The following TMEM132D variants were observed in gnomAD, a reference collection of about 807,000 sequenced individuals.
The protein encoded by TMEM132D is transmembrane protein 132D.
TMEM132D carries 21 observed loss-of-function variants against 62.3 expected under a neutral mutation model. That is an observed-to-expected ratio of 0.34 (90% CI 0.24 to 0.49). TMEM132D has a LOEUF of 0.49. Among genes scored for constraint, TMEM132D ranks in the 20% least tolerant of loss-of-function variants. The pLI is 0.99. For synonymous variants in TMEM132D, 621 were observed against 575.6 expected (o/e 1.08, Z -1.13); for missense variants, 1,346 against 1,402.8 (o/e 0.96, Z 0.65).
intron 1 of TMEM132D, among the ~76,000 whole-genome samples, chr12:129,730,914 G>A (rs1869212859): frequency 6.6e-6 from 1 of 151,992 alleles, no homozygotes. Flanking sequence ...CTACTTTTGA[G>A]GTTTTGGGAC....
chr12:129,752,151 T>C (rs1870017915), intron 1 of TMEM132D, among the ~76,000 whole-genome samples: 1 of 152,168 alleles, frequency 6.6e-6, no homozygotes, highest in Admixed American at 6.5e-5. Context: ...TCTATATAAC[T>C]TCAATATTTA....
At chr12:129,469,468 G>A (rs1874029314) in intron 3 of TMEM132D, among the ~76,000 whole-genome samples, 1 of 152,204 alleles carries the variant, frequency 6.6e-6, no homozygotes, top group African/African-American at 2.4e-5. Flanking sequence ...ACCTTCAGGT[G>A]ATATGGATGA....
intron 3 of TMEM132D, among the ~76,000 whole-genome samples, chr12:129,352,502 A>G (rs1869900799): frequency 6.6e-6 from 1 of 150,614 alleles, no homozygotes; most frequent in African/African-American, 2.4e-5. Context: ...AGTTTTTGCA[A>G]TCTATGTATC....
chr12:129,459,703 G>A (rs1268886573), intron 3 of TMEM132D, among the ~76,000 whole-genome samples: 1 of 152,106 alleles, frequency 6.6e-6, no homozygotes, highest in Non-Finnish European at 1.5e-5. Context: ...TGGGTTATTC[G>A]TAAAACATTT....
At chr12:129,771,272 C>A (rs1359769398) in intron 1 of TMEM132D, among the ~76,000 whole-genome samples, 1 of 152,188 alleles carries the variant, frequency 6.6e-6, no homozygotes, top group Non-Finnish European at 1.5e-5. Flanking sequence ...TACCGCATAC[C>A]AACTGTGCAG....
chr12:129,568,953 T>C (rs1408697740), intron 2 of TMEM132D, among the ~76,000 whole-genome samples: 1 of 152,146 alleles, frequency 6.6e-6, no homozygotes, highest in Non-Finnish European at 1.5e-5. Context: ...AGGGATTAAA[T>C]CACAGAAGGT....
intron 3 of TMEM132D, among the ~76,000 whole-genome samples, chr12:129,385,471 CAT>C (rs1871084679): frequency 6.6e-6 from 1 of 152,132 alleles, no homozygotes; most frequent in South Asian, 2.1e-4. Flanking sequence ...AAGACTTTTA[CAT>C]CTTGGTTATT....
chr12:129,300,667 G>A lies in TMEM132D; in HGVS notation c.1299+36967C>T, dbSNP rs543081236. ...AATGCTGAATATTTATTAACAAAGA[G>A]ATACTGGCATTTTGACATTTCTAAA... On this transcript the variant is annotated intron_variant, in intron 4 of 8. Coordinates refer to ENST00000422113, the MANE Select transcript of TMEM132D (RefSeq NM_133448.3). Among the ~76,000 whole-genome samples the A allele has an allele frequency of 5.9e-5, 9 of 152,240 alleles. 1 individual carries two copies. Among genetic ancestry groups the A allele is most frequent in the Non-Finnish European group, 1.0e-4 (7 of 68,010 alleles).
At chr12:129,350,624 C>T (rs1869833558) in intron 3 of TMEM132D, among the ~76,000 whole-genome samples, 1 of 152,176 alleles carries the variant, frequency 6.6e-6, no homozygotes, top group South Asian at 2.1e-4. Context: ...ACTGAGTGGG[C>T]CCAGACTTCA....
chr12:129,102,484 G>GCACACA (rs35085030), intron 5 of TMEM132D, among the ~76,000 whole-genome samples: 5 of 149,296 alleles, frequency 3.3e-5, no homozygotes, highest in African/African-American at 1.2e-4. Context: ...CTCACACAAT[G>GCACACA]CACACACACA....
chr12:129,380,735 C>G (rs1870925619), intron 3 of TMEM132D, among the ~76,000 whole-genome samples: 1 of 152,128 alleles, frequency 6.6e-6, no homozygotes, highest in African/African-American at 2.4e-5. Flanking sequence ...CATCCCCATC[C>G]CTAATCCCTG....
intron 2 of TMEM132D, among the ~76,000 whole-genome samples, chr12:129,670,174 G>T (rs773537166): frequency 2.6e-5 from 4 of 152,184 alleles, no homozygotes; most frequent in Non-Finnish European, 5.9e-5. Flanking sequence ...CCTCCAAGCT[G>T]TCCTTGTTCA....
At chr12:129,237,769 G>A (rs756217836) in intron 4 of TMEM132D, among the ~76,000 whole-genome samples, 1 of 151,872 alleles carries the variant, frequency 6.6e-6, no homozygotes, top group East Asian at 1.9e-4. Flanking sequence ...ACTTGGGTTC[G>A]GGAGTTTGAG....
At chr12:129,263,992 G>A (rs1261594097) in intron 4 of TMEM132D, among the ~76,000 whole-genome samples, 1 of 152,202 alleles carries the variant, frequency 6.6e-6, no homozygotes, top group East Asian at 1.9e-4. Flanking sequence ...CCATGGCCAA[G>A]GTAAGGTCAT....
chr12:129,349,705 T>C (rs980785853), intron 3 of TMEM132D, among the ~76,000 whole-genome samples: 3 of 152,210 alleles, frequency 2.0e-5, no homozygotes, highest in African/African-American at 7.2e-5. Context: ...CATGCTCCCA[T>C]GTAAAGAGTT....
intron 3 of TMEM132D, among the ~76,000 whole-genome samples, chr12:129,431,916 T>C (rs1872663902): frequency 6.6e-6 from 1 of 152,174 alleles, no homozygotes; most frequent in African/African-American, 2.4e-5. Flanking sequence ...CACTTGCAGT[T>C]TCCTCTGTCT....
In TMEM132D at chr12:129,903,243, C is replaced by G. The variant is rs751515263; in HGVS notation, c.79+18G>C. 24 of 1,551,376 alleles carry G rather than the reference C, an allele frequency of 1.5e-5. No homozygotes were observed. The African/African-American group carries it at 3.1e-4, about 20-fold the overall frequency. On this transcript the variant is annotated intron_variant, in intron 1 of 8. Transcript: ENST00000422113. The surrounding 1 kb of genome is among the most constrained non-coding windows in gnomAD (Gnocchi z 6.2). ...GGCGAAGTTAGTCCCCGGGCCCTGG[C>G]GGCCGCGGCGTCCTCACCTTTGGAA...
At chr12:129,653,768 G>A (rs1401267104) in intron 2 of TMEM132D, among the ~76,000 whole-genome samples, 1 of 152,154 alleles carries the variant, frequency 6.6e-6, no homozygotes, top group Non-Finnish European at 1.5e-5. Context: ...TCCCACACAC[G>A]CCACACAGCT....
At chr12:129,273,620 C>A (rs1239972792) in intron 4 of TMEM132D, among the ~76,000 whole-genome samples, 1 of 151,802 alleles carries the variant, frequency 6.6e-6, no homozygotes. Context: ...TTTGCAGCCA[C>A]ATGGATGCAG....
Sources: allele counts gnomAD v4.1 joint callset (sites outside exome capture counted in the v4.1 genomes callset), GRCh38; gene constraint gnomAD v4.1.1; non-coding constraint Gnocchi (gnomAD v3.1); transcripts MANE v1.5; gene names NCBI Gene and HGNC (gene_info 2026-07-23, HGNC 2026-07-21).